The following KCNIP4 variants were observed in gnomAD, a reference collection of about 807,000 sequenced individuals.
The protein encoded by KCNIP4 is potassium voltage-gated channel interacting protein 4.
Under a neutral mutation model 34.0 loss-of-function variants are expected in KCNIP4, and 12 were observed. The ratio of observed to expected loss-of-function variants is 0.35; its 90% confidence interval spans 0.23 to 0.57. The LOEUF is 0.57. KCNIP4 is among the 20% of genes least tolerant of loss of function. KCNIP4 has a pLI of 0.83. For synonymous variants in KCNIP4, 124 were observed against 102.2 expected, an observed-to-expected ratio of 1.21 and a Z score of -1.29; for missense variants, 238 against 311.7, an observed-to-expected ratio of 0.76 and a Z score of 1.78.
chr4:21,856,644 G>A (rs976484794), intron 1 of KCNIP4, among the ~76,000 whole-genome samples: 4 of 152,080 alleles, frequency 2.6e-5, no homozygotes, highest in South Asian at 2.1e-4. Flanking sequence ...CCACCTTCCC[G>A]GGCACACCTA....
chr4:20,914,387 T>C (rs1014954421), intron 1 of KCNIP4, among the ~76,000 whole-genome samples: 3 of 152,062 alleles, frequency 2.0e-5, no homozygotes, highest in East Asian at 3.9e-4. Context: ...ATGAGTGCTC[T>C]CATAAAAGAG....
chr4:21,542,471 GT>G (rs1243949079), intron 1 of KCNIP4, among the ~76,000 whole-genome samples: 2 of 151,964 alleles, frequency 1.3e-5, no homozygotes, highest in African/African-American at 4.8e-5. Flanking sequence ...TTATAAACAT[GT>G]TTTAAAATTT....
intron 1 of KCNIP4, among the ~76,000 whole-genome samples, chr4:21,798,512 G>GAAAA (rs3052679): frequency 1.7e-4 from 17 of 102,522 alleles, no homozygotes; most frequent in African/African-American, 5.9e-4. Context: ...AAGACCCTGG[G>GAAAA]AAAAAAAAAA....
intron 1 of KCNIP4, among the ~76,000 whole-genome samples, chr4:21,662,610 T>C (rs1006321360): frequency 2.6e-5 from 4 of 152,222 alleles, no homozygotes; most frequent in African/African-American, 9.6e-5. Context: ...TTCATATAAT[T>C]TTGTTTTGTG....
intron 1 of KCNIP4, among the ~76,000 whole-genome samples, chr4:21,553,732 C>A (rs1182947717): frequency 3.3e-5 from 5 of 151,030 alleles, no homozygotes; most frequent in Non-Finnish European, 7.4e-5. Context: ...AAACAAAGTT[C>A]TTTGTGTGTA....
intron 1 of KCNIP4, among the ~76,000 whole-genome samples, chr4:21,584,411 T>C (rs7654710): frequency 0.065 from 9,914 of 152,098 alleles, 478 homozygotes; most frequent in African/African-American, 0.13. Flanking sequence ...CATAAAGAAT[T>C]TGCATACCAT....
chr4:21,412,797 G>A (rs1373418742), intron 1 of KCNIP4, among the ~76,000 whole-genome samples: 7 of 152,076 alleles, frequency 4.6e-5, no homozygotes, highest in Admixed American at 4.6e-4. Context: ...ATTTTATATG[G>A]TGTTCTGCTA....
At chr4:21,586,462 G>A (rs1741623817) in intron 1 of KCNIP4, among the ~76,000 whole-genome samples, 1 of 152,018 alleles carries the variant, frequency 6.6e-6, no homozygotes, top group Non-Finnish European at 1.5e-5. Context: ...TGAATGTGGA[G>A]GGGATGGGTG....
At chr4:21,545,613 T>G (rs1738084027) in intron 1 of KCNIP4, among the ~76,000 whole-genome samples, 1 of 152,136 alleles carries the variant, frequency 6.6e-6, no homozygotes, top group African/African-American at 2.4e-5. Flanking sequence ...CAACTCCCAC[T>G]TATGAGGGAG....
chr4:21,648,491 G>T (rs73800263), intron 1 of KCNIP4, among the ~76,000 whole-genome samples: 3,010 of 152,202 alleles, frequency 0.02, 112 homozygotes, highest in African/African-American at 0.068. Flanking sequence ...ATGGGGAGAT[G>T]CAGTTTACAG....
rs78335789 is a variant in KCNIP4, at chr4:21,439,471, C to T, written c.61+509100G>A. 2.1e-4 allele frequency among the ~76,000 whole-genome samples: 32 copies of T among 152,288 alleles called. No homozygotes were observed. The East Asian group carries it at 5.0e-3, about 24-fold the overall frequency. On this transcript the variant is annotated intron_variant, in intron 1 of 8. Transcript: ENST00000382152. The stretch of plus-strand genomic sequence containing the variant: ...ACTGGCTGACTAATACAACAAAGCC[C>T]CTTCCCAACCTCTCTTCCTTGCCAA...
intron 1 of KCNIP4, among the ~76,000 whole-genome samples, chr4:21,250,040 T>C (rs988721085): frequency 2.6e-5 from 4 of 151,930 alleles, no homozygotes; most frequent in Non-Finnish European, 5.9e-5. Flanking sequence ...TGAAAAGAGA[T>C]CTTATCCAAG....
At chr4:21,371,930 A>T (rs1720486246) in intron 1 of KCNIP4, among the ~76,000 whole-genome samples, 1 of 147,154 alleles carries the variant, frequency 6.8e-6, no homozygotes, top group South Asian at 2.1e-4. Flanking sequence ...TAGGATATTT[A>T]TGAGTAGCTT....
rs570939540 is a variant in KCNIP4 at position 20,745,013 on chromosome 4, G to A, written c.429+4649C>T. Among the ~76,000 whole-genome samples the A allele has an allele frequency of 1.9e-4, 29 of 152,238 alleles. No homozygotes were observed. The South Asian group carries it at 2.9e-3, about 15-fold the overall frequency. On this transcript the variant is annotated intron_variant, in intron 5 of 8. Transcript: ENST00000382152. ...TTGCCATTTGACTAAACCTAGTCCA[G>A]GTCTAAGAATGACTCCCCAGACTCA...
intron 1 of KCNIP4, among the ~76,000 whole-genome samples, chr4:21,529,611 T>G (rs1240366427): frequency 6.6e-6 from 1 of 152,154 alleles, no homozygotes; most frequent in Non-Finnish European, 1.5e-5. Flanking sequence ...CTTCTATCCT[T>G]GTTATACTTT....
intron 1 of KCNIP4, among the ~76,000 whole-genome samples, chr4:21,072,761 G>C (rs1745089125): frequency 6.6e-6 from 1 of 152,094 alleles, no homozygotes; most frequent in Non-Finnish European, 1.5e-5. Context: ...TTTTCTCCTA[G>C]GGTTTTTATG....
intron 1 of KCNIP4, among the ~76,000 whole-genome samples, chr4:21,371,284 A>G (rs191939533): frequency 1.4e-5 from 2 of 146,690 alleles, no homozygotes; most frequent in African/African-American, 5.5e-5. Flanking sequence ...GGATTTGAAT[A>G]CATGAGAGGT....
chr4:21,416,518 G>A (rs1243945329), intron 1 of KCNIP4, among the ~76,000 whole-genome samples: 1 of 152,066 alleles, frequency 6.6e-6, no homozygotes, highest in Non-Finnish European at 1.5e-5. Context: ...AGGAACAAGT[G>A]GCAATTACTT....
chr4:21,221,311 T>A (rs904845108), intron 1 of KCNIP4, among the ~76,000 whole-genome samples: 4 of 152,192 alleles, frequency 2.6e-5, no homozygotes, highest in Non-Finnish European at 5.9e-5. Context: ...AGAACATGTA[T>A]TAATCCGTTT....
Sources: allele counts gnomAD v4.1 joint callset (sites outside exome capture counted in the v4.1 genomes callset), GRCh38; gene constraint gnomAD v4.1.1; transcripts MANE v1.5; gene names NCBI Gene and HGNC (gene_info 2026-07-23, HGNC 2026-07-21).